The following SLC24A2 variants were observed in gnomAD, a reference collection of about 807,000 sequenced individuals.
SLC24A2 encodes solute carrier family 24 member 2, also known as sodium/potassium/calcium exchanger 2.
Under a neutral mutation model 62.0 loss-of-function variants are expected in SLC24A2, and 36 were observed. The ratio of observed to expected loss-of-function variants is 0.58; its 90% CI spans 0.44 to 0.77. The LOEUF is 0.77. SLC24A2 is among the 30% of genes least tolerant of loss of function. The pLI is 0.00. For missense variants in SLC24A2, 846 were observed against 817.9 expected, an observed-to-expected ratio of 1.03 and a Z score of -0.42; for synonymous variants, 358 against 294.0, an observed-to-expected ratio of 1.22 and a Z score of -2.23.
intron 10 of SLC24A2, among the ~76,000 whole-genome samples, chr9:19,516,802 G>T (rs1475901806): frequency 2.0e-5 from 3 of 152,154 alleles, no homozygotes; most frequent in Admixed American, 6.5e-5. Flanking sequence ...TGCAAAAAAG[G>T]CACAGAAATG....
chr9:20,073,859 T>C, the SLC24A2 span, among the ~76,000 whole-genome samples: 2 of 130,206 alleles, frequency 1.5e-5, no homozygotes, highest in African/African-American at 5.9e-5. Flanking sequence ...TGTATATTTG[T>C]GTGTGTATAT....
chr9:20,117,518 T>C, the SLC24A2 span, among the ~76,000 whole-genome samples: 1 of 152,220 alleles, frequency 6.6e-6, no homozygotes, highest in Non-Finnish European at 1.5e-5. Flanking sequence ...AGGAAGAAAA[T>C]TCACCTTTTT....
chr9:19,755,506 G>T (rs944650982), intron 2 of SLC24A2, among the ~76,000 whole-genome samples: 2 of 152,210 alleles, frequency 1.3e-5, no homozygotes, highest in Non-Finnish European at 2.9e-5. Flanking sequence ...CTGTGTTACG[G>T]AAATAGTGTG....
the SLC24A2 span, among the ~76,000 whole-genome samples, chr9:20,108,141 C>G: frequency 5.3e-5 from 8 of 152,176 alleles, no homozygotes; most frequent in African/African-American, 1.9e-4. Flanking sequence ...AATCAAACCA[C>G]AATGAGATAC....
chr9:20,243,150 C>G, the SLC24A2 span, among the ~76,000 whole-genome samples: 2 of 152,284 alleles, frequency 1.3e-5, no homozygotes, highest in East Asian at 3.9e-4. Flanking sequence ...GTTTTTACTA[C>G]TCCTTTTATT....
the SLC24A2 span, among the ~76,000 whole-genome samples, chr9:20,208,613 G>C: frequency 1.3e-5 from 2 of 152,108 alleles, no homozygotes; most frequent in Non-Finnish European, 2.9e-5. Flanking sequence ...TACAAATGTG[G>C]CATATTTAAA....
the SLC24A2 span, among the ~76,000 whole-genome samples, chr9:19,855,212 C>T: frequency 6.6e-6 from 1 of 152,136 alleles, no homozygotes; most frequent in South Asian, 2.1e-4. Context: ...CTCTTGAATA[C>T]AGCGCACTGA....
chr9:19,518,801 G>A (rs1833058146), intron 10 of SLC24A2, among the ~76,000 whole-genome samples: 1 of 152,064 alleles, frequency 6.6e-6, no homozygotes. Flanking sequence ...TATGAAGAAA[G>A]TTTCACACTT....
At chr9:19,871,915 A>G in the SLC24A2 span, among the ~76,000 whole-genome samples, 1 of 152,188 alleles carries the variant, frequency 6.6e-6, no homozygotes, top group Non-Finnish European at 1.5e-5. Flanking sequence ...CAGTTAAAGA[A>G]CATATTTAAC....
At chr9:20,018,435 A>C in the SLC24A2 span, among the ~76,000 whole-genome samples, 1 of 152,134 alleles carries the variant, frequency 6.6e-6, no homozygotes, top group Non-Finnish European at 1.5e-5. Flanking sequence ...AAAACATTAG[A>C]GTGATCATCT....
the SLC24A2 span, among the ~76,000 whole-genome samples, chr9:19,965,386 A>G: frequency 6.6e-6 from 1 of 152,152 alleles, no homozygotes; most frequent in Non-Finnish European, 1.5e-5. Flanking sequence ...GTGGTGGTTA[A>G]AAGTATGGGA....
chr9:19,812,958 C>T, the SLC24A2 span, among the ~76,000 whole-genome samples: 1 of 152,178 alleles, frequency 6.6e-6, no homozygotes, highest in Non-Finnish European at 1.5e-5. Flanking sequence ...GAGTTCTAAT[C>T]CTTGCCTCTT....
chr9:19,707,493 C>T (rs1820568561), intron 2 of SLC24A2, among the ~76,000 whole-genome samples: 1 of 152,176 alleles, frequency 6.6e-6, no homozygotes, highest in African/African-American at 2.4e-5. Context: ...AACGTTGATG[C>T]AAAAATCCTC....
chr9:19,623,789 T>C (rs1011735807), intron 2 of SLC24A2, among the ~76,000 whole-genome samples: 21 of 152,168 alleles, frequency 1.4e-4, no homozygotes, highest in African/African-American at 2.9e-4. Context: ...TGTGTTTTTT[T>C]CCCCCTTCTG....
intron 2 of SLC24A2, among the ~76,000 whole-genome samples, chr9:19,712,267 T>C (rs1332711816): frequency 6.6e-6 from 1 of 152,182 alleles, no homozygotes; most frequent in East Asian, 1.9e-4. Flanking sequence ...TTCACTAACA[T>C]AAATTCAAAG....
chr9:20,306,873 T>C, the SLC24A2 span, among the ~76,000 whole-genome samples: 2 of 152,046 alleles, frequency 1.3e-5, no homozygotes. Flanking sequence ...ATTTTTTGTA[T>C]TTTTAGTAGA....
the SLC24A2 span, among the ~76,000 whole-genome samples, chr9:19,852,259 T>C: frequency 6.6e-6 from 1 of 152,238 alleles, no homozygotes. Context: ...ACAAAAATTT[T>C]CTTCCATTCT....
the SLC24A2 span, among the ~76,000 whole-genome samples, chr9:20,074,798 T>C: frequency 6.6e-6 from 1 of 152,118 alleles, no homozygotes. Context: ...TATTAGAATA[T>C]TTTCTAACAT....
At chr9:19,708,343 T>C (rs1307182441) in intron 2 of SLC24A2, among the ~76,000 whole-genome samples, 8 of 152,160 alleles carry the variant, frequency 5.3e-5, no homozygotes, top group Middle Eastern at 3.4e-3. Flanking sequence ...AGGTAATTTA[T>C]AGATTCAATG....
Sources: allele counts gnomAD v4.1 joint callset (sites outside exome capture counted in the v4.1 genomes callset), GRCh38; gene constraint gnomAD v4.1.1; transcripts MANE v1.5; gene names NCBI Gene and HGNC (gene_info 2026-07-23, HGNC 2026-07-21).